The following MECOM variants were observed in gnomAD, a reference collection of about 807,000 sequenced individuals.
MECOM encodes the protein MDS1 and EVI1 complex locus.
In MECOM, 13 loss-of-function variants were observed where a neutral mutation model predicts 116.3. That is an observed-to-expected ratio of 0.11 (90% CI 0.07 to 0.18). The LOEUF is 0.18. Among genes scored for constraint, MECOM ranks in the 10% least tolerant of loss-of-function variants. The probability of loss-of-function intolerance (pLI) is 1.00; values close to 1 mark genes in which losing one functional copy is unlikely to be tolerated. For synonymous variants in MECOM, 528 were observed against 535.2 expected (o/e 0.99, Z 0.19); for missense variants, 1,299 against 1,509.0 (o/e 0.86, Z 2.31).
At chr3:169,122,919 C>T (rs1173977430) in intron 5 of MECOM, among the ~76,000 whole-genome samples, 192 bp from the exon 6 acceptor site, 2 of 152,106 alleles carry the variant, frequency 1.3e-5, no homozygotes, top group African/African-American at 4.8e-5. Context: ...GTCTCCTGGA[C>T]TGTGTCACCA....
intron 2 of MECOM, among the ~76,000 whole-genome samples, chr3:169,273,910 T>C (rs1577548542): frequency 8.9e-6 from 1 of 112,242 alleles, no homozygotes; most frequent in African/African-American, 5.5e-5. Flanking sequence ...TCTCCAAAGC[T>C]TTTTTTTTTT....
At chr3:169,538,629 C>A (rs1269035414) in intron 1 of MECOM, among the ~76,000 whole-genome samples, 1 of 152,126 alleles carries the variant, frequency 6.6e-6, no homozygotes, top group East Asian at 1.9e-4. Context: ...TGACATTTAG[C>A]AAATCATGAT....
chr3:169,444,805 T>A (rs1017821033), intron 1 of MECOM, among the ~76,000 whole-genome samples: 5 of 152,084 alleles, frequency 3.3e-5, no homozygotes, highest in African/African-American at 1.2e-4. Flanking sequence ...ATGGCTTTGA[T>A]AAAAATGCTG....
intron 2 of MECOM, chr3:169,147,837 G>T: frequency 1.6e-6 from 1 of 608,270 alleles, no homozygotes; most frequent in Non-Finnish European, 2.0e-6. Flanking sequence ...GTGAGGGTGT[G>T]TGCACCGAGG....
chr3:169,184,087 A>G (rs1238330988), intron 2 of MECOM, among the ~76,000 whole-genome samples: 1 of 151,762 alleles, frequency 6.6e-6, no homozygotes, highest in African/African-American at 2.4e-5. Context: ...GATGGTCTCA[A>G]TCTCCTGATC....
chr3:169,272,345 A>AT (rs1248697963), intron 2 of MECOM, among the ~76,000 whole-genome samples: 1 of 152,146 alleles, frequency 6.6e-6, no homozygotes, highest in Non-Finnish European at 1.5e-5. Context: ...AAGGAATTGA[A>AT]TCACAGATTC....
chr3:169,181,814 C>T (rs28561701), intron 2 of MECOM, among the ~76,000 whole-genome samples: 14,401 of 152,084 alleles, frequency 0.095, 751 homozygotes, highest in South Asian at 0.22. Context: ...TGGAGTCAGG[C>T]GAACTTGGAT....
intron 12 of MECOM, 56 bp from the exon 13 acceptor site, chr3:169,095,301 G>A (rs992035402): frequency 6.8e-7 from 1 of 1,464,852 alleles, no homozygotes; most frequent in Non-Finnish European, 9.2e-7. Context: ...TATTTCTCAA[G>A]ACTAGTTAGC....
intron 5 of MECOM, among the ~76,000 whole-genome samples, chr3:169,125,236 G>T (rs1443740764): frequency 1.3e-5 from 2 of 152,042 alleles, no homozygotes; most frequent in African/African-American, 4.8e-5. Context: ...TTGTTACAGA[G>T]TGGAATGTTA....
At chr3:169,398,353 C>T (rs1430375229) in intron 1 of MECOM, among the ~76,000 whole-genome samples, 1 of 152,132 alleles carries the variant, frequency 6.6e-6, no homozygotes, top group Admixed American at 6.6e-5. Flanking sequence ...AAATGTTCTA[C>T]ATCCCATTTT....
At chr3:169,371,896 T>G (rs1220594877) in intron 2 of MECOM, among the ~76,000 whole-genome samples, 1 of 152,048 alleles carries the variant, frequency 6.6e-6, no homozygotes, top group Non-Finnish European at 1.5e-5. Flanking sequence ...TTTCAATATG[T>G]AAGGTGTCAC....
intron 10 of MECOM, among the ~76,000 whole-genome samples, chr3:169,106,738 A>G (rs968790831): frequency 1.3e-5 from 2 of 152,150 alleles, no homozygotes; most frequent in Admixed American, 6.6e-5. Flanking sequence ...CTATTGTCAA[A>G]GTCATACTGT....
At chr3:169,612,030 A>T (rs1769341273) in intron 1 of MECOM, among the ~76,000 whole-genome samples, 1 of 152,228 alleles carries the variant, frequency 6.6e-6, no homozygotes, top group Non-Finnish European at 1.5e-5. Context: ...AGGTGCTAGT[A>T]GCCAACCTCC....
At chr3:169,186,312 G>A (rs768323666) in intron 2 of MECOM, among the ~76,000 whole-genome samples, 22 of 121,302 alleles carry the variant, frequency 1.8e-4, no homozygotes, top group South Asian at 3.4e-4. Flanking sequence ...AAGATGGAAA[G>A]GAAGGAAGAA....
intron 2 of MECOM, among the ~76,000 whole-genome samples, chr3:169,209,676 A>G (rs1750448478): frequency 6.6e-6 from 1 of 152,202 alleles, no homozygotes; most frequent in Admixed American, 6.5e-5. Context: ...GCCAGTCAGA[A>G]TGGCAATTAT....
intron 1 of MECOM, among the ~76,000 whole-genome samples, chr3:169,573,544 T>C (rs997923094): frequency 1.3e-5 from 2 of 152,206 alleles, no homozygotes; most frequent in Non-Finnish European, 2.9e-5. Flanking sequence ...ACAGAATCCT[T>C]TTTTCTTTTC....
chr3:169,329,508 T>C (rs1431651314), intron 2 of MECOM, among the ~76,000 whole-genome samples: 1 of 152,180 alleles, frequency 6.6e-6, no homozygotes, highest in Non-Finnish European at 1.5e-5. Flanking sequence ...CATCCTTTTC[T>C]AAGGCACTAA....
intron 2 of MECOM, among the ~76,000 whole-genome samples, chr3:169,321,673 T>TA (rs549475639): frequency 2.6e-5 from 4 of 151,578 alleles, no homozygotes; most frequent in Admixed American, 1.3e-4. Context: ...AATGTGGACC[T>TA]ATGTGGTTTT....
At position 169,335,977 on chromosome 3, in the gene MECOM, A is replaced by G. The variant is rs180847003; in HGVS notation, c.375+45210T>C. On this transcript the variant is annotated intron_variant, in intron 2 of 16. Coordinates refer to ENST00000651503, the MANE Select transcript of MECOM (RefSeq NM_004991.4). ...TTAATTATTTTAGAGGAATAAGGCA[A>G]TGGCAGACTTTATGCAAACTATGTT... Among the ~76,000 whole-genome samples, 322 of 152,254 alleles carry G rather than the reference A, an allele frequency of 2.1e-3. 3 individuals are homozygous for G. Among genetic ancestry groups the G allele is most frequent in the African/African-American group, 7.3e-3 (305 of 41,576 alleles).
Sources: allele counts gnomAD v4.1 joint callset (sites outside exome capture counted in the v4.1 genomes callset), GRCh38; gene constraint gnomAD v4.1.1; transcripts MANE v1.5; gene names NCBI Gene and HGNC (gene_info 2026-07-23, HGNC 2026-07-21).